SLC35D4: variants seen among roughly 807,000 people sequenced by gnomAD.
SLC35D4 encodes UDP-N-acetylglucosamine transporter SLC35D4.
At chr18:23,384,697 G>A in the SLC35D4 span, among the ~76,000 whole-genome samples, 6 of 152,210 alleles carry the variant, frequency 3.9e-5, no homozygotes, top group East Asian at 1.9e-4. Flanking sequence ...TTGGCCGGGG[G>A]TAGGAATGCT....
the SLC35D4 span, chr18:23,352,157 G>A: frequency 6.4e-7 from 1 of 1,552,140 alleles, no homozygotes; most frequent in Non-Finnish European, 8.8e-7. Context: ...GGATACACAG[G>A]CTCTTGAGAG....
the SLC35D4 span, among the ~76,000 whole-genome samples, chr18:23,347,836 A>T: frequency 6.6e-6 from 1 of 152,146 alleles, no homozygotes; most frequent in Admixed American, 6.5e-5. Flanking sequence ...CTATTTCATT[A>T]ATTTCCACAT....
At chr18:23,272,583 T>C in the SLC35D4 span, among the ~76,000 whole-genome samples, 2 of 152,152 alleles carry the variant, frequency 1.3e-5, no homozygotes, top group Non-Finnish European at 2.9e-5. Context: ...GAGGCTTTTT[T>C]GAGGTTTAGT....
chr18:23,289,324 C>T, the SLC35D4 span, among the ~76,000 whole-genome samples: 3,723 of 152,318 alleles, frequency 0.024, 49 homozygotes, highest in Middle Eastern at 0.054. Flanking sequence ...TAGGTCCTCC[C>T]AATTCTAAAA....
At chr18:23,253,138 C>A in the SLC35D4 span, 1 of 849,954 alleles carries the variant, frequency 1.2e-6, no homozygotes, top group East Asian at 2.5e-5. Context: ...AGCTTGTCAT[C>A]TGTCCAGTGG....
chr18:23,381,143 A>C, the SLC35D4 span, among the ~76,000 whole-genome samples: 4 of 152,190 alleles, frequency 2.6e-5, no homozygotes, highest in African/African-American at 9.7e-5. Flanking sequence ...ATTGCTAAAA[A>C]CCACCTACAA....
the SLC35D4 span, among the ~76,000 whole-genome samples, chr18:23,434,617 T>A: frequency 2.0e-5 from 3 of 151,842 alleles, no homozygotes; most frequent in African/African-American, 7.3e-5. Flanking sequence ...ATGGCAAAAC[T>A]TCGTCTCTAT....
At chr18:23,378,785 C>A in the SLC35D4 span, among the ~76,000 whole-genome samples, 1 of 152,196 alleles carries the variant, frequency 6.6e-6, no homozygotes, top group East Asian at 1.9e-4. Context: ...ATTTTTGATG[C>A]TAGTTCAGGC....
At chr18:23,410,394 C>T in the SLC35D4 span, among the ~76,000 whole-genome samples, 1 of 151,318 alleles carries the variant, frequency 6.6e-6, no homozygotes, top group African/African-American at 2.4e-5. Context: ...AGGAGAATGG[C>T]ATGAACCCGG....
chr18:23,375,596 A>G, the SLC35D4 span, among the ~76,000 whole-genome samples: 1 of 152,296 alleles, frequency 6.6e-6, no homozygotes, highest in South Asian at 2.1e-4. Flanking sequence ...TCTCTTATAC[A>G]TACTAAAATA....
At chr18:23,336,609 T>G in the SLC35D4 span, among the ~76,000 whole-genome samples, 2 of 152,136 alleles carry the variant, frequency 1.3e-5, no homozygotes, top group African/African-American at 2.4e-5. Context: ...ATGAAGGTGT[T>G]GAATAACAAC....
chr18:23,368,880 G>A, the SLC35D4 span: 1 of 590,704 alleles, frequency 1.7e-6, no homozygotes. Context: ...ATAAATAGAG[G>A]GAAAAGTATT....
At chr18:23,340,873 C>T in the SLC35D4 span, among the ~76,000 whole-genome samples, 10 of 152,186 alleles carry the variant, frequency 6.6e-5, no homozygotes, top group East Asian at 9.6e-4. Flanking sequence ...CTCTGACCTC[C>T]GCTGCTTCTT....
chr18:23,392,041 G>A, the SLC35D4 span, among the ~76,000 whole-genome samples: 1 of 151,476 alleles, frequency 6.6e-6, no homozygotes, highest in Admixed American at 6.6e-5. Flanking sequence ...GGGTTCAAGC[G>A]ATTCTCCTGC....
At chr18:23,324,062 G>A in the SLC35D4 span, among the ~76,000 whole-genome samples, 6 of 151,062 alleles carry the variant, frequency 4.0e-5, no homozygotes, top group African/African-American at 1.5e-4. Context: ...CACCCTGGGC[G>A]AGGAAGTGAG....
chr18:23,288,560 G>A, the SLC35D4 span, among the ~76,000 whole-genome samples: 464 of 141,590 alleles, frequency 3.3e-3, no homozygotes, highest in South Asian at 8.9e-3. Flanking sequence ...TTGCCCCCCC[G>A]CCCCAGGACT....
chr18:23,400,013 A>C, the SLC35D4 span, among the ~76,000 whole-genome samples: 1 of 152,244 alleles, frequency 6.6e-6, no homozygotes, highest in Admixed American at 6.5e-5. Context: ...TTAAAAATTG[A>C]AAAGGTTATT....
the SLC35D4 span, among the ~76,000 whole-genome samples, chr18:23,375,017 A>G: frequency 1.2e-4 from 18 of 152,034 alleles, no homozygotes; most frequent in African/African-American, 4.1e-4. Flanking sequence ...CAGGAGGCTG[A>G]GGCAGGAGAA....
the SLC35D4 span, among the ~76,000 whole-genome samples, chr18:23,282,838 CTG>C: frequency 6.6e-6 from 1 of 152,182 alleles, no homozygotes; most frequent in African/African-American, 2.4e-5. Flanking sequence ...CAGGCCTCAT[CTG>C]TGTGCTGGCC....
Sources: allele counts gnomAD v4.1 joint callset (sites outside exome capture counted in the v4.1 genomes callset), GRCh38; gene constraint gnomAD v4.1.1; transcripts MANE v1.5; gene names NCBI Gene and HGNC (gene_info 2026-07-23, HGNC 2026-07-21).